The following NT5DC1 variants were observed in gnomAD, a reference collection of about 807,000 sequenced individuals.
NT5DC1 encodes the protein 5'-nucleotidase domain-containing protein 1.
Under a neutral mutation model 59.4 loss-of-function variants are expected in NT5DC1, and 42 were observed. That is an observed-to-expected ratio of 0.71 (90% CI 0.55 to 0.92). The LOEUF is 0.92. Among genes scored for constraint, NT5DC1 ranks in the 40% least tolerant of loss-of-function variants. The probability of loss-of-function intolerance (pLI) is 0.00; values close to 1 mark genes in which losing one functional copy is unlikely to be tolerated. For synonymous variants in NT5DC1, 172 were observed against 188.1 expected (o/e 0.91, Z 0.70); for missense variants, 501 against 537.1 (o/e 0.93, Z 0.66).
intron 6 of NT5DC1, among the ~76,000 whole-genome samples, chr6:116,182,054 G>A (rs1780885727): frequency 6.6e-6 from 1 of 151,990 alleles, no homozygotes; most frequent in South Asian, 2.1e-4. Flanking sequence ...CCAAAGTCCA[G>A]TGTATTATTC....
chr6:116,238,654 A>C (rs1391113642), intron 10 of NT5DC1, among the ~76,000 whole-genome samples: 2 of 152,082 alleles, frequency 1.3e-5, no homozygotes, highest in Non-Finnish European at 2.9e-5. Flanking sequence ...TCATCATCAT[A>C]ATAGAATAGA....
intron 6 of NT5DC1, among the ~76,000 whole-genome samples, chr6:116,186,731 A>G (rs367620231): frequency 6.6e-6 from 1 of 151,662 alleles, no homozygotes; most frequent in Non-Finnish European, 1.5e-5. Context: ...AGAAATTGTG[A>G]TTGCTTTTTT....
At position 116,114,251 on chromosome 6, in the gene NT5DC1, A is replaced by AT. The variant is rs545280805; in HGVS notation, c.365-1430dup. Among the ~76,000 whole-genome samples, 451 of 150,254 alleles carry AT rather than the reference A, an allele frequency of 3.0e-3. 11 individuals carry two copies. In the South Asian group the frequency reaches 0.045, roughly 15 times the overall value. ...TTTTGTGAACTAACAGAAAACTTTG[A>AT]TTTTTTTTTTATACATTTTAAAATA... On this transcript the variant is annotated intron_variant, in intron 4 of 11. Transcript: ENST00000319550.
rs547261471 is a variant in NT5DC1, at chr6:116,122,437, G to A, written c.529+4492G>A. On this transcript the variant is annotated intron_variant, in intron 6 of 11. Transcript: ENST00000319550. ...TCTGCCATGCCTCTGCTGAACACAG[G>A]TTAGATTTTGGTTGATTTACTTTTA... Among the ~76,000 whole-genome samples, 30 of 152,248 alleles carry A rather than the reference G, an allele frequency of 2.0e-4. 3 individuals are homozygous for A. The South Asian group carries it at 3.3e-3, about 17-fold the overall frequency.
Position 116,133,496 on chromosome 6 carries a change from C to T in NT5DC1, c.529+15551C>T, listed in dbSNP as rs75233879. Among the ~76,000 whole-genome samples, 1,225 of 152,224 alleles carry T rather than the reference C, an allele frequency of 8.0e-3. 18 individuals carry two copies. Among genetic ancestry groups the T allele is most frequent in the African/African-American group, 0.028 (1,160 of 41,546 alleles). On this transcript the variant is annotated intron_variant, in intron 6 of 11. Coordinates refer to ENST00000319550, the MANE Select transcript of NT5DC1 (RefSeq NM_152729.3). The stretch of plus-strand genomic sequence containing the variant: ...AAGTACTTGTAGGGTACACGAGTAC[C>T]TGTAGAATATTAAGTACCTATAGGG...
At chr6:116,179,638 T>A (rs1562153142) in intron 6 of NT5DC1, among the ~76,000 whole-genome samples, 1 of 152,134 alleles carries the variant, frequency 6.6e-6, no homozygotes, top group Non-Finnish European at 1.5e-5. Flanking sequence ...TTCCCAGTGT[T>A]ATCAAAAAGA....
chr6:116,161,967 G>A (rs1365790348), intron 6 of NT5DC1, among the ~76,000 whole-genome samples: 1 of 151,838 alleles, frequency 6.6e-6, no homozygotes, highest in East Asian at 1.9e-4. Context: ...TTATGTTTTT[G>A]TATGGCTATT....
chr6:116,188,850 A>G (rs1274794872), intron 6 of NT5DC1, among the ~76,000 whole-genome samples: 1 of 151,842 alleles, frequency 6.6e-6, no homozygotes, highest in Non-Finnish European at 1.5e-5. Context: ...TTAAGGAGAG[A>G]AGGCCTATTT....
At chr6:116,142,254 C>T (rs1211462798) in intron 6 of NT5DC1, among the ~76,000 whole-genome samples, 1 of 151,418 alleles carries the variant, frequency 6.6e-6, no homozygotes, top group Admixed American at 6.6e-5. Flanking sequence ...GACAAAACAC[C>T]ATAAACTATT....
intron 6 of NT5DC1, among the ~76,000 whole-genome samples, chr6:116,209,064 T>G (rs1781519588): frequency 1.3e-5 from 2 of 152,068 alleles, no homozygotes; most frequent in Non-Finnish European, 2.9e-5. Context: ...CTTAAATTGA[T>G]GATTTTATTA....
intron 6 of NT5DC1, among the ~76,000 whole-genome samples, chr6:116,200,027 G>C (rs1204845): frequency 6.6e-6 from 1 of 150,448 alleles, no homozygotes; most frequent in Non-Finnish European, 1.5e-5. Context: ...TTTGCAGTGG[G>C]GCAACCTGAC....
At chr6:116,169,862 T>G (rs1306271796) in intron 6 of NT5DC1, among the ~76,000 whole-genome samples, 4 of 152,144 alleles carry the variant, frequency 2.6e-5, no homozygotes, top group Non-Finnish European at 5.9e-5. Flanking sequence ...ATTGAGCAAG[T>G]GATAATCCAG....
intron 6 of NT5DC1, among the ~76,000 whole-genome samples, chr6:116,217,946 G>C (rs1562169528): frequency 6.6e-6 from 1 of 152,034 alleles, no homozygotes; most frequent in Non-Finnish European, 1.5e-5. Context: ...ATAATTGGAG[G>C]TTACAAGGGG....
chr6:116,108,451 T>G lies in NT5DC1; in HGVS notation c.257+16T>G, dbSNP rs1778807708. ...CTGTTCTCAGGTAATAAAACTTAGT[T>G]GTGAAGTCTAAACTTTACCTTCTCT... On this transcript the variant is annotated intron_variant, in intron 3 of 11. Transcript: ENST00000319550. The G allele has an allele frequency of 1.3e-6, 2 of 1,532,242 alleles. No homozygotes were observed. The highest frequency in any genetic ancestry group is 1.8e-6 in the Non-Finnish European group (2 of 1,105,476). The allele number at this position is 1,532,242 out of a possible 1,614,324, so 94.9% of individuals were successfully genotyped here.
At chr6:116,153,878 A>T (rs1780114251) in intron 6 of NT5DC1, among the ~76,000 whole-genome samples, 2 of 152,160 alleles carry the variant, frequency 1.3e-5, no homozygotes, top group African/African-American at 2.4e-5. Flanking sequence ...CAATTTGGCA[A>T]AATAAGCATC....
At chr6:116,181,054 G>A (rs919220954) in intron 6 of NT5DC1, among the ~76,000 whole-genome samples, 2 of 151,312 alleles carry the variant, frequency 1.3e-5, no homozygotes, top group Non-Finnish European at 2.9e-5. Context: ...AAATCATATG[G>A]TATCTTGAAT....
In NT5DC1 at chr6:116,145,785, TA is replaced by T. The variant is rs369815320; in HGVS notation, c.529+27842del. On this transcript the variant is annotated intron_variant, in intron 6 of 11. Coordinates refer to ENST00000319550, the MANE Select transcript of NT5DC1 (RefSeq NM_152729.3). The stretch of plus-strand genomic sequence containing the variant: ...ACCAATTCATTTTTTATTTAGTTTT[TA>T]ATTTACTATTTTATTTTTAGCAGTA... 2.6e-3 allele frequency among the ~76,000 whole-genome samples: 395 copies of T among 152,380 alleles called. 10 individuals carry two copies. In the South Asian group the frequency reaches 0.043, roughly 17 times the overall value.
At chr6:116,135,912 A>C in intron 6 of NT5DC1, among the ~76,000 whole-genome samples, 2 of 146,888 alleles carry the variant, frequency 1.4e-5, no homozygotes, top group East Asian at 2.0e-4. Flanking sequence ...TACCACAATC[A>C]AGCTAATTAA....
intron 8 of NT5DC1, among the ~76,000 whole-genome samples, chr6:116,229,729 G>A (rs546059756): frequency 6.6e-6 from 1 of 152,264 alleles, no homozygotes; most frequent in East Asian, 1.9e-4. Flanking sequence ...CGCCAATGCT[G>A]CTAGCTCAGT....
Sources: gnomAD v4.1 joint callset for allele counts (sites outside exome capture counted in the v4.1 genomes callset) on GRCh38, gnomAD v4.1.1 for gene constraint, MANE v1.5 for transcripts, NCBI Gene and HGNC (gene_info 2026-07-23, HGNC 2026-07-21) for gene names.